The following RBFOX1 variants were observed in gnomAD, a reference collection of about 807,000 sequenced individuals.
RBFOX1 encodes RNA binding protein fox-1 homolog 1.
RBFOX1 carries 8 observed loss-of-function variants against 57.7 expected under a neutral mutation model. The ratio of observed to expected loss-of-function variants is 0.14; its 90% CI spans 0.08 to 0.25. RBFOX1 has a LOEUF of 0.25. Among genes scored for constraint, RBFOX1 ranks in the 10% least tolerant of loss-of-function variants. The pLI is 1.00. For synonymous variants in RBFOX1, 326 were observed against 222.4 expected (o/e 1.47, Z -4.15); for missense variants, 611 against 548.5 (o/e 1.11, Z -1.14).
chr16:6,557,843 T>A (rs1404446809), intron 2 of RBFOX1, among the ~76,000 whole-genome samples: 1 of 152,188 alleles, frequency 6.6e-6, no homozygotes, highest in Non-Finnish European at 1.5e-5. Flanking sequence ...GTAGGCTAAT[T>A]TATTGGTCAT....
At chr16:6,223,215 C>T (rs1486336638) in intron 1 of RBFOX1, among the ~76,000 whole-genome samples, 1 of 151,062 alleles carries the variant, frequency 6.6e-6, no homozygotes, top group Non-Finnish European at 1.5e-5. Context: ...GGTATATACC[C>T]AGTAATGGGA....
chr16:5,466,595 T>C (rs2068961754), intron 1 of RBFOX1, among the ~76,000 whole-genome samples: 1 of 152,228 alleles, frequency 6.6e-6, no homozygotes, highest in Non-Finnish European at 1.5e-5. Flanking sequence ...AAATGCTATC[T>C]TCCTGTGGTT....
At chr16:6,652,324 G>T (rs570746986) in intron 2 of RBFOX1, among the ~76,000 whole-genome samples, 8 of 151,970 alleles carry the variant, frequency 5.3e-5, no homozygotes, top group Non-Finnish European at 7.4e-5. Context: ...GGTGCATGTC[G>T]GTAGTCCCAG....
At chr16:5,668,482 C>G (rs544346902) in intron 3 of RBFOX1, among the ~76,000 whole-genome samples, 4 of 152,122 alleles carry the variant, frequency 2.6e-5, no homozygotes, top group African/African-American at 9.7e-5. Flanking sequence ...GTTCTGATAA[C>G]CACTGGCACT....
At chr16:6,838,746 A>G (rs1450799600) in intron 3 of RBFOX1, among the ~76,000 whole-genome samples, 1 of 152,186 alleles carries the variant, frequency 6.6e-6, no homozygotes, top group Non-Finnish European at 1.5e-5. Context: ...TTTGCTTAGC[A>G]TCCTCCAGGG....
intron 3 of RBFOX1, among the ~76,000 whole-genome samples, chr16:6,988,756 TTG>T (rs1568246671): frequency 2.6e-4 from 38 of 145,910 alleles, no homozygotes; most frequent in African/African-American, 5.2e-4. Flanking sequence ...TGTTTGTTTT[TTG>T]TTTTTTGTTT....
intron 1 of RBFOX1, among the ~76,000 whole-genome samples, chr16:6,278,978 C>T (rs2076109488): frequency 6.6e-6 from 1 of 151,916 alleles, no homozygotes; most frequent in African/African-American, 2.4e-5. Flanking sequence ...GTTCTATTTT[C>T]CATTCCTTTG....
rs529747646 is a variant in RBFOX1, at chr16:7,110,852, A to G, written c.27+58754A>G. 2.6e-5 allele frequency among the ~76,000 whole-genome samples: 4 copies of G among 152,276 alleles called. No homozygotes were observed. In the South Asian group the frequency reaches 8.3e-4, roughly 32 times the overall value. On this transcript the variant is annotated intron_variant, in intron 4 of 15. Coordinates refer to ENST00000550418, the MANE Select transcript of RBFOX1 (RefSeq NM_018723.4). ...TATTTATTCTAGTATATAACTGGTAAAGAATATGTGTTCCCTCCCATCCCA... is the reference window on the plus strand; with the variant it reads ...TATTTATTCTAGTATATAACTGGTAGAGAATATGTGTTCCCTCCCATCCCA...
chr16:6,185,196 T>TA (rs1250341981), intron 1 of RBFOX1, among the ~76,000 whole-genome samples: 3 of 152,252 alleles, frequency 2.0e-5, no homozygotes, highest in African/African-American at 4.8e-5. Flanking sequence ...ATTCAACATT[T>TA]AAAAAAATTA....
intron 4 of RBFOX1, among the ~76,000 whole-genome samples, chr16:7,074,896 A>G (rs975979016): frequency 2.0e-5 from 3 of 152,194 alleles, no homozygotes; most frequent in African/African-American, 7.2e-5. Context: ...CTCTAAAGCC[A>G]TCCCCCAGTG....
At chr16:5,799,667 G>A (rs2054995856) in intron 3 of RBFOX1, among the ~76,000 whole-genome samples, 2 of 152,102 alleles carry the variant, frequency 1.3e-5, no homozygotes, top group Non-Finnish European at 2.9e-5. Context: ...GTGTGTTCAA[G>A]GTAGGCTGGG....
chr16:6,292,766 C>G (rs1335351536), intron 1 of RBFOX1, among the ~76,000 whole-genome samples: 3 of 152,204 alleles, frequency 2.0e-5, no homozygotes, highest in Non-Finnish European at 4.4e-5. Flanking sequence ...CTGTAGTCCT[C>G]TGGGTTTGGG....
intron 4 of RBFOX1, among the ~76,000 whole-genome samples, chr16:7,484,758 C>G (rs553032024): frequency 6.6e-6 from 1 of 152,316 alleles, no homozygotes; most frequent in Non-Finnish European, 1.5e-5. Context: ...GCCACAGTGC[C>G]TGGCTGGCAT....
In RBFOX1 at chr16:6,259,824, G is replaced by A. The variant is rs540872308; in HGVS notation, c.-126-57171G>A. Among the ~76,000 whole-genome samples, 42 of 152,046 alleles carry A rather than the reference G, an allele frequency of 2.8e-4. 1 individual carries two copies. In the South Asian group the frequency reaches 7.9e-3, roughly 29 times the overall value. Reference sequence around the variant, plus strand: ...AATACAAAAAAAAGTAGCCAGGCCTGGTGGTGCACACCTGTAGTCCCAGCT... The same window carrying A: ...AATACAAAAAAAAGTAGCCAGGCCTAGTGGTGCACACCTGTAGTCCCAGCT... On this transcript the variant is annotated intron_variant, in intron 1 of 15. Coordinates refer to ENST00000550418, the MANE Select transcript of RBFOX1 (RefSeq NM_018723.4).
intron 1 of RBFOX1, among the ~76,000 whole-genome samples, chr16:5,415,662 A>C (rs890906935): frequency 7.9e-5 from 12 of 152,220 alleles, no homozygotes; most frequent in Admixed American, 2.6e-4. Context: ...TTTTACTTGA[A>C]ATGATACTGG....
intron 1 of RBFOX1, among the ~76,000 whole-genome samples, chr16:6,178,098 G>A (rs1201689146): frequency 1.3e-5 from 2 of 150,850 alleles, no homozygotes; most frequent in East Asian, 2.0e-4. Flanking sequence ...ACAGAAGGAA[G>A]AGTAGTGTGA....
intron 4 of RBFOX1, among the ~76,000 whole-genome samples, chr16:7,244,350 T>G (rs1481505253): frequency 1.3e-5 from 2 of 151,842 alleles, no homozygotes; most frequent in African/African-American, 2.4e-5. Context: ...TTTGAGCAAC[T>G]TCTTCAAACC....
intron 2 of RBFOX1, among the ~76,000 whole-genome samples, chr16:5,508,547 C>T (rs1326322055): frequency 1.3e-5 from 2 of 152,146 alleles, no homozygotes; most frequent in Non-Finnish European, 2.9e-5. Context: ...AGTGATTGCA[C>T]AGAGTGCCAC....
intron 4 of RBFOX1, among the ~76,000 whole-genome samples, chr16:7,496,304 G>A (rs1276405133): frequency 1.3e-5 from 2 of 152,098 alleles, no homozygotes; most frequent in African/African-American, 4.8e-5. Context: ...CACCACATCT[G>A]TCTAATTTTT....
Sources: allele counts gnomAD v4.1 joint callset (sites outside exome capture counted in the v4.1 genomes callset), GRCh38; gene constraint gnomAD v4.1.1; transcripts MANE v1.5; gene names NCBI Gene and HGNC (gene_info 2026-07-23, HGNC 2026-07-21).